The following PDZRN4 variants were observed in gnomAD, a reference collection of about 807,000 sequenced individuals.
The protein encoded by PDZRN4 is PDZ domain-containing RING finger protein 4.
In PDZRN4, 70 loss-of-function variants were observed where a neutral mutation model predicts 99.0. That is an observed-to-expected ratio of 0.71 (90% CI 0.58 to 0.86). The LOEUF is 0.86. Among genes scored for constraint, PDZRN4 ranks in the 40% least tolerant of loss-of-function variants. The pLI is 0.00. For missense variants in PDZRN4, 1,474 were observed against 1,331.2 expected, an observed-to-expected ratio of 1.11 and a Z score of -1.67; for synonymous variants, 551 against 501.6, an observed-to-expected ratio of 1.10 and a Z score of -1.32.
intron 3 of PDZRN4, among the ~76,000 whole-genome samples, chr12:41,489,674 GT>G (rs34309822): frequency 0.36 from 52,529 of 144,758 alleles, 10,934 homozygotes; most frequent in African/African-American, 0.6. Flanking sequence ...AGATTTCCAG[GT>G]TTTTTTTTTT....
chr12:41,321,000 T>C (rs1217057617), intron 3 of PDZRN4, among the ~76,000 whole-genome samples: 2 of 152,194 alleles, frequency 1.3e-5, no homozygotes, highest in Non-Finnish European at 2.9e-5. Flanking sequence ...TATAATTAGA[T>C]ATTACAACTT....
intron 3 of PDZRN4, among the ~76,000 whole-genome samples, chr12:41,457,025 G>A (rs1952821949): frequency 6.6e-6 from 1 of 152,134 alleles, no homozygotes; most frequent in Non-Finnish European, 1.5e-5. Context: ...CTTAAATACA[G>A]ATGAGCCTTT....
intron 3 of PDZRN4, among the ~76,000 whole-genome samples, chr12:41,220,361 A>C (rs992464487): frequency 6.6e-6 from 1 of 152,126 alleles, no homozygotes; most frequent in South Asian, 2.1e-4. Flanking sequence ...ATATTGGATT[A>C]GAGATCACCC....
chr12:41,367,856 G>A (rs1377774027), intron 3 of PDZRN4, among the ~76,000 whole-genome samples: 3 of 151,928 alleles, frequency 2.0e-5, no homozygotes, highest in South Asian at 2.1e-4. Context: ...AAATCCTGGC[G>A]CCATGTCCAA....
intron 3 of PDZRN4, among the ~76,000 whole-genome samples, chr12:41,447,547 A>G (rs1952739678): frequency 6.6e-6 from 1 of 152,124 alleles, no homozygotes; most frequent in South Asian, 2.1e-4. Flanking sequence ...TTTTTTGAGG[A>G]TTAAATGACA....
intron 3 of PDZRN4, among the ~76,000 whole-genome samples, chr12:41,199,128 A>G (rs539925625): frequency 1.1e-3 from 173 of 152,266 alleles, no homozygotes; most frequent in African/African-American, 3.9e-3. Flanking sequence ...ATGAAACACT[A>G]TATCTTACTA....
intron 3 of PDZRN4, among the ~76,000 whole-genome samples, chr12:41,196,681 T>G (rs2120649697): frequency 6.6e-6 from 1 of 152,194 alleles, no homozygotes; most frequent in East Asian, 1.9e-4. Flanking sequence ...GTTAGAAATA[T>G]TTGATGCTTA....
At chr12:41,434,809 C>T (rs1952615011) in intron 3 of PDZRN4, among the ~76,000 whole-genome samples, 1 of 152,170 alleles carries the variant, frequency 6.6e-6, no homozygotes, top group South Asian at 2.1e-4. Flanking sequence ...TCATTCCCTA[C>T]TTATTTTTTA....
rs140438517 is a variant in PDZRN4 at position 41,495,829 on chromosome 12, C to A, written c.844-10627C>A. Among the ~76,000 whole-genome samples, 268 of 152,110 alleles carry A rather than the reference C, an allele frequency of 1.8e-3. 2 individuals are homozygous for A. The highest frequency in any genetic ancestry group is 6.3e-3 in the African/African-American group (261 of 41,510). The stretch of plus-strand genomic sequence containing the variant: ...AGGACTTACTCTTTCATGCCTCAAC[C>A]CTGGGGTTCCTCTCCTTTCTCCCAT... On this transcript the variant is annotated intron_variant, in intron 3 of 9. Coordinates refer to ENST00000402685, the MANE Select transcript of PDZRN4 (RefSeq NM_001164595.2).
intron 3 of PDZRN4, among the ~76,000 whole-genome samples, chr12:41,414,128 A>C (rs559783578): frequency 1.3e-5 from 2 of 152,314 alleles, no homozygotes; most frequent in South Asian, 4.1e-4. Context: ...AGAATGCTGA[A>C]AATAGGCCCC....
intron 3 of PDZRN4, among the ~76,000 whole-genome samples, chr12:41,484,578 A>G (rs1937738383): frequency 6.6e-6 from 1 of 152,190 alleles, no homozygotes; most frequent in African/African-American, 2.4e-5. Flanking sequence ...GATATTTAAC[A>G]CTTGTGAATA....
rs762751268 is a variant in PDZRN4 at position 41,573,132 on chromosome 12, C to G, written c.2353C>G (p.Gln785Glu). The G allele has an allele frequency of 1.2e-6, 2 of 1,614,122 alleles. No individual in the cohort carries two copies. Among genetic ancestry groups the G allele is most frequent in the South Asian group, 1.1e-5 (1 of 91,084 alleles). ...GGCAGCCACCCAGTCCTCTTCCGGA[C>G]AGAGCAGTAAAGAGTCGACCTCCAC... ...TMAATQSSSG[Q>E]SSKESTSTKA... Residue 785 changes from glutamine (Q) to glutamate (E), a missense_variant, in exon 10 of 10, where the codon CAG becomes GAG. Transcript: ENST00000402685.
At chr12:41,403,687 TG>T (rs1952321251) in intron 3 of PDZRN4, among the ~76,000 whole-genome samples, 1 of 152,166 alleles carries the variant, frequency 6.6e-6, no homozygotes, top group Non-Finnish European at 1.5e-5. Flanking sequence ...ATCATGAGAT[TG>T]TTTTTCTGAC....
At chr12:41,374,379 T>C (rs1432851341) in intron 3 of PDZRN4, among the ~76,000 whole-genome samples, 6 of 152,136 alleles carry the variant, frequency 3.9e-5, no homozygotes, top group Admixed American at 2.0e-4. Context: ...ATAGTGACAG[T>C]GCATGATCTG....
chr12:41,465,056 C>A (rs1382031372), intron 3 of PDZRN4, among the ~76,000 whole-genome samples: 2 of 152,070 alleles, frequency 1.3e-5, no homozygotes, highest in Non-Finnish European at 2.9e-5. Context: ...AACTCCTGAC[C>A]TCCAGTGATC....
chr12:41,333,567 T>C (rs1377334529), intron 3 of PDZRN4, among the ~76,000 whole-genome samples: 1 of 152,106 alleles, frequency 6.6e-6, no homozygotes, highest in Non-Finnish European at 1.5e-5. Context: ...TGTCCAATCT[T>C]CAGCTAATCC....
chr12:41,491,575 C>T (rs1034192377), intron 3 of PDZRN4, among the ~76,000 whole-genome samples: 2 of 152,020 alleles, frequency 1.3e-5, no homozygotes, highest in African/African-American at 2.4e-5. Context: ...CTGGCTTTCC[C>T]TGTCAGGGTG....
chr12:41,454,335 T>C (rs1256399328), intron 3 of PDZRN4, among the ~76,000 whole-genome samples: 1 of 152,248 alleles, frequency 6.6e-6, no homozygotes, highest in Non-Finnish European at 1.5e-5. Context: ...TCAACACCTC[T>C]TTCCTCCTGA....
intron 3 of PDZRN4, among the ~76,000 whole-genome samples, chr12:41,199,235 C>G (rs1279133591): frequency 6.6e-6 from 1 of 152,048 alleles, no homozygotes; most frequent in Non-Finnish European, 1.5e-5. Context: ...AGTTTTTTGA[C>G]AAATTTATGT....
Sources: allele counts gnomAD v4.1 joint callset (sites outside exome capture counted in the v4.1 genomes callset), GRCh38; gene constraint gnomAD v4.1.1; transcripts MANE v1.5; gene names NCBI Gene and HGNC (gene_info 2026-07-23, HGNC 2026-07-21).